PNO1: variants seen among roughly 807,000 people sequenced by gnomAD.
PNO1 encodes RNA-binding protein PNO1.
In PNO1, 16 loss-of-function variants were observed where a neutral mutation model predicts 28.4. That is an observed-to-expected ratio of 0.56 (90% CI 0.38 to 0.85). PNO1 has a LOEUF of 0.85. Among genes scored for constraint, PNO1 ranks in the 40% least tolerant of loss-of-function variants. The pLI is 0.00. For synonymous variants in PNO1, 115 were observed against 110.8 expected, an observed-to-expected ratio of 1.04 and a Z score of -0.24; for missense variants, 304 against 312.2, an observed-to-expected ratio of 0.97 and a Z score of 0.20.
intron 5 of PNO1, among the ~76,000 whole-genome samples, chr2:68,171,425 AT>A (rs1379635581): frequency 6.6e-6 from 1 of 152,090 alleles, no homozygotes; most frequent in African/African-American, 2.4e-5. Flanking sequence ...CCTGCTGCTG[AT>A]TTAGGCATCA....
Position 68,161,814 on chromosome 2 carries a change from T to C in PNO1, c.441+48T>C, listed in dbSNP as rs13399346. On this transcript the variant is annotated intron_variant, in intron 3 of 6. Coordinates refer to ENST00000263657, the MANE Select transcript of PNO1 (RefSeq NM_020143.4). Reference sequence around the variant, plus strand: ...AAATGGGGACTTTAAAAATATTCAATGTGAACATTTCAATGGATTAGGCAT... The same window carrying C: ...AAATGGGGACTTTAAAAATATTCAACGTGAACATTTCAATGGATTAGGCAT... 0.011 allele frequency: 13,361 copies of C among 1,230,640 alleles called. 981 individuals carry two copies. The African/African-American group carries it at 0.16, about 15-fold the overall frequency. 76.2% of individuals were successfully genotyped at this position (1,230,640 alleles called of 1,614,324 possible). A position where few individuals can be genotyped will look rare whatever the true frequency, so the allele number is the denominator to read the frequency against.
In PNO1 at chr2:68,157,918, C is replaced by G. The variant is rs777614179; in HGVS notation, c.-17C>G. On this transcript the variant is annotated 5_prime_UTR_variant, in exon 1 of 7. Coordinates refer to ENST00000263657, the MANE Select transcript of PNO1 (RefSeq NM_020143.4). The stretch of plus-strand genomic sequence containing the variant: ...TGCGCACGTGTTTCAGCCGGCAGCG[C>G]TTTAAGATTTCCGGGGATGGAATCC... 2.5e-6 allele frequency: 4 copies of G among 1,611,884 alleles called. No homozygotes were observed. Among genetic ancestry groups the G allele is most frequent in the Non-Finnish European group, 1.7e-6 (2 of 1,178,398 alleles).
rs1422981119 is a variant in PNO1 at position 68,161,620 on chromosome 2, T to C, written c.358-63T>C. 4 of 1,005,002 alleles carry C rather than the reference T, an allele frequency of 4.0e-6. No individual in the cohort carries two copies. The South Asian group carries it at 5.3e-5, about 13-fold the overall frequency. The allele number at this position is 1,005,002 out of a possible 1,614,324, so 62.3% of individuals were successfully genotyped here. On this transcript the variant is annotated intron_variant, in intron 2 of 6. Coordinates refer to ENST00000263657, the MANE Select transcript of PNO1 (RefSeq NM_020143.4). ...AATGGGAAAGGACATTTCCAGTATT[T>C]TGTTAGGACATTTTCTGTTTGATTC...
intron 5 of PNO1, among the ~76,000 whole-genome samples, chr2:68,163,019 G>C (rs558829939): frequency 6.6e-6 from 1 of 152,282 alleles, no homozygotes; most frequent in East Asian, 1.9e-4. Flanking sequence ...ATTTGAAGTA[G>C]AGCATTCTGA....
chr2:68,174,144 C>A (rs990341497), intron 6 of PNO1, among the ~76,000 whole-genome samples: 1 of 152,140 alleles, frequency 6.6e-6, no homozygotes. Context: ...AGGATCTTAG[C>A]GGCTTGCTCA....
chr2:68,161,865 T>G, intron 3 of PNO1, 99 bp downstream of exon 3: 1 of 779,744 alleles, frequency 1.3e-6, no homozygotes, highest in South Asian at 1.6e-5. Flanking sequence ...CCAGGCACAG[T>G]GGCTCACACC....
In PNO1 at chr2:68,161,442, GC is replaced by G. The variant is rs1673826015; in HGVS notation, c.358-240del. 3 of 496,430 alleles carry G rather than the reference GC, an allele frequency of 6.0e-6. No individual in the cohort carries two copies. The South Asian group carries it at 6.0e-5, about 10-fold the overall frequency. The allele number at this position is 496,430 out of a possible 1,614,324, so 30.8% of individuals were successfully genotyped here. A position where few individuals can be genotyped will look rare whatever the true frequency, so the allele number is the denominator to read the frequency against. On this transcript the variant is annotated intron_variant, in intron 2 of 6. Coordinates refer to ENST00000263657, the MANE Select transcript of PNO1 (RefSeq NM_020143.4). ...TAACCCCAAAATCTGATCATATAGT[GC>G]GGTTAGTTATTTGACACTCTTTGGG...
intron 5 of PNO1, among the ~76,000 whole-genome samples, chr2:68,171,618 A>G (rs1254727243): frequency 6.6e-6 from 1 of 152,206 alleles, no homozygotes; most frequent in Non-Finnish European, 1.5e-5. Flanking sequence ...GTCTGGAGGA[A>G]GAGCATTACA....
In PNO1 at chr2:68,173,415, T is replaced by C; in HGVS notation, c.689T>C (p.Leu230Ser). Residue 230 changes from leucine (L) to serine (S), a missense_variant and splice_region_variant, in exon 6 of 7, where the codon TTG becomes TCG. By Grantham distance (145) the Leu-to-Ser change is moderately radical. Transcript: ENST00000263657. ...AGAACTGCCATTTGCAACCTAATCT[T>C]GGGTAATAGCAGTTTCTTTCTTTGG... ...MARTAICNLI[L>S]GNPPSKVYGN... The C allele has an allele frequency of 6.3e-7, 1 of 1,580,070 alleles. No homozygotes were observed. The highest frequency in any genetic ancestry group is 8.7e-7 in the Non-Finnish European group (1 of 1,149,040).
intron 5 of PNO1, among the ~76,000 whole-genome samples, chr2:68,166,838 A>G (rs1301174536): frequency 1.3e-5 from 2 of 152,158 alleles, no homozygotes; most frequent in African/African-American, 4.8e-5. Context: ...CTGCTTCAGA[A>G]GCACTCACCT....
chr2:68,170,554 T>C (rs991130839), intron 5 of PNO1, among the ~76,000 whole-genome samples: 6 of 152,110 alleles, frequency 3.9e-5, no homozygotes, highest in Non-Finnish European at 8.8e-5. Context: ...GAGACCATCC[T>C]GGCTAACACG....
Position 68,161,589 on chromosome 2 carries a change from T to C in PNO1, c.358-94T>C, listed in dbSNP as rs1673832234. ...GGAAAGGTGGTGGTGAAGGAAATTC[T>C]CCAATAATGGGAAAGGACATTTCCA... On this transcript the variant is annotated intron_variant, in intron 2 of 6. Coordinates refer to ENST00000263657, the MANE Select transcript of PNO1 (RefSeq NM_020143.4). The C allele has an allele frequency of 6.3e-6, 5 of 796,942 alleles. No homozygotes were observed. In the Admixed American group the frequency reaches 8.3e-5, roughly 13 times the overall value. The allele number at this position is 796,942 out of a possible 1,614,324, so 49.4% of individuals were successfully genotyped here.
At position 68,175,309 on chromosome 2, in the gene PNO1, GAGTGCAGTGGTGCAATCTCAGCTC is replaced by G. The variant is rs1313085871; in HGVS notation, c.*509_*532del. The G allele has an allele frequency of 6.6e-6, 1 of 152,466 alleles. No homozygotes were observed. Among genetic ancestry groups the G allele is most frequent in the East Asian group, 1.9e-4 (1 of 5,196 alleles). The allele number at this position is 152,466 out of a possible 1,614,324, so 9.4% of individuals were successfully genotyped here. On this transcript the variant is annotated 3_prime_UTR_variant, in exon 7 of 7. Transcript: ENST00000263657. ...GGGTCTCACTTTGTCACCCAGGCTA[GAGTGCAGTGGTGCAATCTCAGCTC>G]ACTGCAGCCTCTGCCTCCTGAGTTC...
At chr2:68,159,964 A>ATT (rs1206527655) in intron 2 of PNO1, among the ~76,000 whole-genome samples, 3,315 of 116,826 alleles carry the variant, frequency 0.028, 154 homozygotes, top group African/African-American at 0.094. Flanking sequence ...ACAAAAAAAA[A>ATT]TTTTTTTTTT....
At position 68,157,951 on chromosome 2, in the gene PNO1, A is replaced by C. The variant is rs762259103; in HGVS notation, c.17A>C (p.Glu6Ala). 7 of 1,614,064 alleles carry C rather than the reference A, an allele frequency of 4.3e-6. No individual in the cohort carries two copies. The highest frequency in any genetic ancestry group is 5.9e-6 in the Non-Finnish European group (7 of 1,180,016). MESEM[E>A]TQSARAEEGF... ...TTTCCGGGGATGGAATCCGAAATGG[A>C]AACGCAGAGCGCCAGGGCAGAGGAG... is the stretch of plus-strand genomic sequence containing the variant. Residue 6 changes from glutamate (E) to alanine (A), a missense_variant, in exon 1 of 7, where the codon GAA (glutamate) becomes GCA (alanine). Transcript: ENST00000263657.
In PNO1 at chr2:68,175,272, T is replaced by G. The variant is rs1674246751; in HGVS notation, c.*470T>G. 6.6e-6 allele frequency: 1 copy of G among 152,520 alleles called. No individual in the cohort carries two copies. The highest frequency in any genetic ancestry group is 1.5e-5 in the Non-Finnish European group (1 of 68,298). 9.4% of individuals were successfully genotyped at this position (152,520 alleles called of 1,614,324 possible). On this transcript the variant is annotated 3_prime_UTR_variant, in exon 7 of 7. Transcript: ENST00000263657. Reference sequence around the variant, plus strand: ...ACTGGGTGATGTGTGAATATTTGTTTGTTGGCAGACAGGGTCTCACTTTGT... The same window carrying G: ...ACTGGGTGATGTGTGAATATTTGTTGGTTGGCAGACAGGGTCTCACTTTGT...
At chr2:68,164,787 A>G (rs1233336689) in intron 5 of PNO1, among the ~76,000 whole-genome samples, 1 of 152,172 alleles carries the variant, frequency 6.6e-6, no homozygotes, top group Non-Finnish European at 1.5e-5. Flanking sequence ...ACAGAGTGAA[A>G]CCTTGTATCC....
intron 5 of PNO1, chr2:68,173,075 T>C (rs1277230840): frequency 3.3e-6 from 1 of 303,526 alleles, no homozygotes; most frequent in African/African-American, 2.3e-5. Flanking sequence ...CTTTTTTGTC[T>C]ACAATGTCTT....
chr2:68,173,574 GA>G (rs1241281641), intron 6 of PNO1, among the ~76,000 whole-genome samples, 157 bp downstream of exon 6: 3 of 123,162 alleles, frequency 2.4e-5, no homozygotes, highest in African/African-American at 3.3e-5. Context: ...GAAGGAAGTA[GA>G]ATTTTTTTTT....
Sources: gnomAD v4.1 joint callset for allele counts (sites outside exome capture counted in the v4.1 genomes callset) on GRCh38, gnomAD v4.1.1 for gene constraint, MANE v1.5 for transcripts, NCBI Gene and HGNC (gene_info 2026-07-23, HGNC 2026-07-21) for gene names.